The following ZCCHC17 variants were observed in gnomAD, a reference collection of about 807,000 sequenced individuals.
ZCCHC17 encodes zinc finger CCHC domain-containing protein 17.
In ZCCHC17, 18 loss-of-function variants were observed where a neutral mutation model predicts 30.6. That is an observed-to-expected ratio of 0.59 (90% CI 0.41 to 0.87). ZCCHC17 has a LOEUF of 0.87. ZCCHC17 is among the 40% of genes least tolerant of loss of function. ZCCHC17 has a pLI of 0.00. For synonymous variants in ZCCHC17, 88 were observed against 92.4 expected, an observed-to-expected ratio of 0.95 and a Z score of 0.27; for missense variants, 263 against 284.2, an observed-to-expected ratio of 0.93 and a Z score of 0.54.
At chr1:31,334,305 C>A (rs182978667) in intron 3 of ZCCHC17, among the ~76,000 whole-genome samples, 52 of 46,332 alleles carry the variant, frequency 1.1e-3, no homozygotes, top group Non-Finnish European at 1.8e-3. Context: ...CCATGTGCAT[C>A]TCTCTCTCTC....
intron 7 of ZCCHC17, among the ~76,000 whole-genome samples, chr1:31,353,138 T>C (rs939359835): frequency 3.3e-5 from 5 of 152,336 alleles, no homozygotes; most frequent in African/African-American, 1.2e-4. Context: ...TTGAATATCT[T>C]TTCATGTGCT....
intron 2 of ZCCHC17, among the ~76,000 whole-genome samples, chr1:31,311,523 C>A (rs1178424013): frequency 6.6e-6 from 1 of 152,208 alleles, no homozygotes; most frequent in Non-Finnish European, 1.5e-5. Flanking sequence ...ATTTATTTCT[C>A]ACAGTTCTGG....
At chr1:31,341,395 A>T (rs563448104) in intron 5 of ZCCHC17, among the ~76,000 whole-genome samples, 32 of 152,340 alleles carry the variant, frequency 2.1e-4, no homozygotes, top group African/African-American at 7.5e-4. Context: ...ATATGGACTC[A>T]TTAAAAAATA....
At chr1:31,359,983 C>CTTTT (rs10711140) in intron 7 of ZCCHC17, among the ~76,000 whole-genome samples, 18 of 145,282 alleles carry the variant, frequency 1.2e-4, no homozygotes, top group African/African-American at 3.3e-4. Context: ...GAACTACAAC[C>CTTTT]TTTTTTTTTT....
intron 3 of ZCCHC17, among the ~76,000 whole-genome samples, chr1:31,335,952 T>C (rs1638798357): frequency 6.6e-6 from 1 of 152,246 alleles, no homozygotes. Flanking sequence ...ACAGATTTAC[T>C]ATGTTTGCCA....
chr1:31,346,933 G>T, intron 6 of ZCCHC17, 193 bp downstream of exon 6: 1 of 1,259,308 alleles, frequency 7.9e-7, no homozygotes, highest in Admixed American at 2.4e-5. Flanking sequence ...TCTGAGTGCT[G>T]GCCCTACCAG....
chr1:31,300,170 C>T (rs1268801837), intron 1 of ZCCHC17, among the ~76,000 whole-genome samples: 1 of 152,158 alleles, frequency 6.6e-6, no homozygotes, highest in Non-Finnish European at 1.5e-5. Context: ...AGTGATCCTC[C>T]CACCTCAGCC....
At chr1:31,352,570 A>G (rs956500484) in intron 7 of ZCCHC17, among the ~76,000 whole-genome samples, 2 of 152,128 alleles carry the variant, frequency 1.3e-5, no homozygotes, top group Non-Finnish European at 2.9e-5. Context: ...TGCAGCCTCA[A>G]CCTCCTGGGC....
In ZCCHC17 at chr1:31,348,890, T is replaced by C; in HGVS notation, c.480T>C (p.Asp160=). The C allele has an allele frequency of 6.2e-7, 1 of 1,613,428 alleles. No individual in the cohort carries two copies. Among genetic ancestry groups the C allele is most frequent in the Non-Finnish European group, 8.5e-7 (1 of 1,179,922 alleles). The change falls in exon 7 of 8, where the codon GAT becomes GAC. Residue 160 remains aspartate (D), a synonymous_variant. Transcript: ENST00000344147. ...PGGTKYSLIP[D]EEEEKEEAKS... The stretch of plus-strand genomic sequence containing the variant: ...GGACTAAATACTCTCTGATACCTGA[T>C]GAGGAAGAGGAAAAGGAAGAGGCAA...
At chr1:31,327,119 A>G (rs1024829289) in intron 3 of ZCCHC17, among the ~76,000 whole-genome samples, 8 of 152,156 alleles carry the variant, frequency 5.3e-5, no homozygotes, top group South Asian at 4.1e-4. Flanking sequence ...GATGATGAAA[A>G]TATTCCTTAT....
At chr1:31,341,877 G>C (rs970747357) in intron 5 of ZCCHC17, among the ~76,000 whole-genome samples, 1 of 152,130 alleles carries the variant, frequency 6.6e-6, no homozygotes, top group Non-Finnish European at 1.5e-5. Context: ...TGTTTTAAAT[G>C]CCGCTTTGTT....
intron 1 of ZCCHC17, among the ~76,000 whole-genome samples, chr1:31,299,700 G>A (rs1646261001): frequency 6.6e-6 from 1 of 152,180 alleles, no homozygotes; most frequent in African/African-American, 2.4e-5. Flanking sequence ...GTTCCTGGAA[G>A]TTCTGCCAAA....
chr1:31,309,434 C>A (rs1444550722), intron 1 of ZCCHC17, among the ~76,000 whole-genome samples: 2 of 152,158 alleles, frequency 1.3e-5, no homozygotes, highest in East Asian at 3.8e-4. Context: ...CCTCCCTCAG[C>A]CTCCCAAGTA....
At chr1:31,300,739 C>T (rs541785128) in intron 1 of ZCCHC17, among the ~76,000 whole-genome samples, 50 of 152,000 alleles carry the variant, frequency 3.3e-4, no homozygotes, top group African/African-American at 1.1e-3. Flanking sequence ...AGTTCGAGAC[C>T]ATCCTGACCA....
chr1:31,316,715 A>G (rs1165252586), intron 2 of ZCCHC17, among the ~76,000 whole-genome samples: 5 of 152,140 alleles, frequency 3.3e-5, no homozygotes, highest in Admixed American at 2.6e-4. Context: ...CTTTGGCTCT[A>G]CCTTGCCTTA....
At chr1:31,351,582 CAT>C (rs569765015) in intron 7 of ZCCHC17, among the ~76,000 whole-genome samples, 1 of 151,866 alleles carries the variant, frequency 6.6e-6, no homozygotes, top group African/African-American at 2.4e-5. Context: ...CTCTATAAAA[CAT>C]AGAGAAAATT....
chr1:31,319,141 C>A lies in ZCCHC17; in HGVS notation c.99C>A (p.Ile33=). The change falls in exon 3 of 8, where the codon ATC becomes ATA. Residue 33 remains isoleucine (I), a synonymous_variant. Transcript: ENST00000344147. ...VAMVTDYGAF[I]KIPGCRKQGL... is the part of the protein sequence containing the mutation. Reference sequence around the variant, plus strand: ...TGGTGACAGACTATGGGGCCTTTATCAAAATCCCAGGCTGTCGGAAGCAAG... The same window carrying A: ...TGGTGACAGACTATGGGGCCTTTATAAAAATCCCAGGCTGTCGGAAGCAAG... 1 of 1,610,348 alleles carries A rather than the reference C, an allele frequency of 6.2e-7. No homozygotes were observed. The highest frequency in any genetic ancestry group is 1.1e-5 in the South Asian group (1 of 90,720).
At chr1:31,330,494 TTTTG>T (rs1197507914) in intron 3 of ZCCHC17, among the ~76,000 whole-genome samples, 7 of 152,132 alleles carry the variant, frequency 4.6e-5, no homozygotes, top group Non-Finnish European at 8.8e-5. Context: ...AGCAAAGCAT[TTTTG>T]TTTGTTTGTT....
chr1:31,348,683 T>C, intron 6 of ZCCHC17, 146 bp from the exon 7 acceptor site: 1 of 952,160 alleles, frequency 1.1e-6, no homozygotes. Context: ...GTAGAAAATC[T>C]ACCCTGAATC....
Sources: allele counts gnomAD v4.1 joint callset (sites outside exome capture counted in the v4.1 genomes callset), GRCh38; gene constraint gnomAD v4.1.1; transcripts MANE v1.5; gene names NCBI Gene and HGNC (gene_info 2026-07-23, HGNC 2026-07-21).